TMEM117: variants seen among roughly 807,000 people sequenced by gnomAD.
TMEM117 encodes the protein transmembrane protein 117.
In TMEM117, 27 loss-of-function variants were observed where a neutral mutation model predicts 52.4. That is an observed-to-expected ratio of 0.51 (90% CI 0.38 to 0.71). The LOEUF is 0.71. TMEM117 is among the 30% of genes least tolerant of loss of function. TMEM117 has a pLI of 0.00. For missense variants in TMEM117, 556 were observed against 630.5 expected, an observed-to-expected ratio of 0.88 and a Z score of 1.26; for synonymous variants, 215 against 206.3, an observed-to-expected ratio of 1.04 and a Z score of -0.36.
At chr12:44,378,481 C>T (rs74085153) in intron 7 of TMEM117, among the ~76,000 whole-genome samples, 2,853 of 152,028 alleles carry the variant, frequency 0.019, 96 homozygotes, top group African/African-American at 0.065. Context: ...ATGCAGAGTC[C>T]CTAAAGCTTC....
At chr12:44,162,899 G>A (rs1948916583) in intron 4 of TMEM117, among the ~76,000 whole-genome samples, 1 of 152,052 alleles carries the variant, frequency 6.6e-6, no homozygotes, top group African/African-American at 2.4e-5. Context: ...TGCTCCCTAG[G>A]AAAAATCCTA....
chr12:44,174,865 T>A (rs544736214), intron 4 of TMEM117, among the ~76,000 whole-genome samples: 4 of 152,184 alleles, frequency 2.6e-5, no homozygotes, highest in African/African-American at 9.7e-5. Context: ...AAAGTGGTGA[T>A]GCCTGAAGAA....
At chr12:44,330,887 C>A (rs77940779) in intron 6 of TMEM117, among the ~76,000 whole-genome samples, 230 of 152,132 alleles carry the variant, frequency 1.5e-3, no homozygotes, top group African/African-American at 5.2e-3. Context: ...AACAGGGTCT[C>A]ACTATTTTGT....
rs535091125 is a variant in TMEM117 at position 43,896,545 on chromosome 12, T to C, written c.278-47665T>C. On this transcript the variant is annotated intron_variant, in intron 2 of 7. Coordinates refer to ENST00000266534, the MANE Select transcript of TMEM117 (RefSeq NM_032256.3). ...CATTTGAGTTCAGTCTATAGCACCT[T>C]GTACAGGGTAGGCAACCCCATGTTT... Among the ~76,000 whole-genome samples the C allele has an allele frequency of 7.9e-5, 12 of 152,356 alleles. No homozygotes were observed. The East Asian group carries it at 1.5e-3, about 20-fold the overall frequency.
chr12:43,930,309 T>C (rs1216201619), intron 2 of TMEM117, among the ~76,000 whole-genome samples: 1 of 152,242 alleles, frequency 6.6e-6, no homozygotes, highest in African/African-American at 2.4e-5. Context: ...GCAAATGATC[T>C]ATGGGAAATT....
chr12:44,384,584 CT>C (rs1159682075), intron 7 of TMEM117, among the ~76,000 whole-genome samples: 2 of 152,076 alleles, frequency 1.3e-5, no homozygotes, highest in African/African-American at 4.8e-5. Flanking sequence ...GTTAAATATG[CT>C]GATTTAGAAA....
At chr12:44,037,571 G>A (rs1408112313) in intron 3 of TMEM117, among the ~76,000 whole-genome samples, 2 of 152,140 alleles carry the variant, frequency 1.3e-5, no homozygotes, top group Non-Finnish European at 2.9e-5. Context: ...AAACCAGGGA[G>A]GGCCTGAAGC....
At chr12:44,332,712 T>TACACACACACACACAC (rs34633299) in intron 6 of TMEM117, among the ~76,000 whole-genome samples, 59 of 143,248 alleles carry the variant, frequency 4.1e-4, no homozygotes, top group African/African-American at 8.9e-4. Context: ...CTACTGTTAC[T>TACACACACACACACAC]ACACACACAC....
At chr12:44,086,068 C>T (rs1457169342) in intron 3 of TMEM117, among the ~76,000 whole-genome samples, 1 of 152,032 alleles carries the variant, frequency 6.6e-6, no homozygotes, top group East Asian at 1.9e-4. Flanking sequence ...CAATTTACTC[C>T]CAACATCAGT....
intron 3 of TMEM117, among the ~76,000 whole-genome samples, chr12:43,973,156 T>A (rs987979229): frequency 5.3e-5 from 8 of 152,082 alleles, no homozygotes; most frequent in African/African-American, 1.9e-4. Context: ...GAAAAAAGGT[T>A]TTTTTCTGAA....
chr12:44,126,475 T>C (rs1475914147), intron 3 of TMEM117, among the ~76,000 whole-genome samples: 1 of 152,224 alleles, frequency 6.6e-6, no homozygotes, highest in Non-Finnish European at 1.5e-5. Context: ...TTAGGCAATA[T>C]GTCAGATTCT....
chr12:44,398,091 T>C, the TMEM117 span, among the ~76,000 whole-genome samples: 1 of 146,318 alleles, frequency 6.8e-6, no homozygotes, highest in African/African-American at 2.7e-5. Context: ...GTTTTTTTTT[T>C]TTGTTTGTTT....
chr12:43,923,078 C>G (rs1359150266), intron 2 of TMEM117, among the ~76,000 whole-genome samples: 1 of 152,080 alleles, frequency 6.6e-6, no homozygotes, highest in Non-Finnish European at 1.5e-5. Context: ...GATTTGGTCT[C>G]TAGAGAAAAG....
chr12:44,325,396 G>T lies in TMEM117; in HGVS notation c.768+25657G>T, dbSNP rs12321658. Among the ~76,000 whole-genome samples the T allele has an allele frequency of 2.4e-3, 370 of 152,186 alleles. 4 individuals are homozygous for T. The highest frequency in any genetic ancestry group is 8.6e-3 in the African/African-American group (356 of 41,538). ...AGTTCAGTTTTGCTGCTGAATGAATGATGAAAAATCTTTATTTTCAGAGCT... is the reference window on the plus strand; with the variant it reads ...AGTTCAGTTTTGCTGCTGAATGAATTATGAAAAATCTTTATTTTCAGAGCT... On this transcript the variant is annotated intron_variant, in intron 6 of 7. Transcript: ENST00000266534.
intron 3 of TMEM117, among the ~76,000 whole-genome samples, chr12:44,128,450 T>C (rs557424200): frequency 1.6e-4 from 25 of 152,232 alleles, no homozygotes; most frequent in Non-Finnish European, 3.2e-4. Flanking sequence ...GTATGTCTTA[T>C]TCATCTTGGT....
chr12:43,914,906 A>C (rs7315408), intron 2 of TMEM117, among the ~76,000 whole-genome samples: 8,192 of 152,162 alleles, frequency 0.054, 240 homozygotes, highest in South Asian at 0.071. Flanking sequence ...CCCCTCCTTC[A>C]GCAAATTTAT....
At chr12:43,837,732 T>A (rs932368860) in intron 1 of TMEM117, among the ~76,000 whole-genome samples, 2 of 152,234 alleles carry the variant, frequency 1.3e-5, no homozygotes, top group Admixed American at 1.3e-4. Context: ...AATTTTATAA[T>A]GTGCTCCGGC....
intron 3 of TMEM117, among the ~76,000 whole-genome samples, chr12:44,061,754 CATT>C (rs750723807): frequency 2.0e-5 from 3 of 152,090 alleles, no homozygotes; most frequent in East Asian, 1.9e-4. Flanking sequence ...TTTAATTTGT[CATT>C]GTTGTTTTAT....
intron 2 of TMEM117, among the ~76,000 whole-genome samples, chr12:43,885,503 C>T (rs573383288): frequency 7.1e-6 from 1 of 140,774 alleles, no homozygotes; most frequent in East Asian, 2.1e-4. Context: ...CATTGTAAAA[C>T]ATTAGGGAAA....
Sources: allele counts gnomAD v4.1 joint callset (sites outside exome capture counted in the v4.1 genomes callset), GRCh38; gene constraint gnomAD v4.1.1; transcripts MANE v1.5; gene names NCBI Gene and HGNC (gene_info 2026-07-23, HGNC 2026-07-21).